ARID5B: variants seen among roughly 807,000 people sequenced by gnomAD.
ARID5B encodes the protein AT-rich interaction domain 5B, also known as AT-rich interactive domain-containing protein 5B.
A neutral mutation model predicts 97.2 loss-of-function variants in ARID5B; 13 were observed. The ratio of observed to expected loss-of-function variants is 0.13; its 90% CI spans 0.09 to 0.21. ARID5B has a LOEUF of 0.21. Ranked by LOEUF, ARID5B falls within the 10% of genes least tolerant of loss-of-function variation. The probability of loss-of-function intolerance (pLI) is 1.00; values close to 1 mark genes in which losing one functional copy is unlikely to be tolerated. For missense variants in ARID5B, 1,210 were observed against 1,465.3 expected, an observed-to-expected ratio of 0.83 and a Z score of 2.84; for synonymous variants, 556 against 570.3, an observed-to-expected ratio of 0.97 and a Z score of 0.36.
chr10:62,060,587 T>C (rs1564639899), intron 7 of ARID5B, among the ~76,000 whole-genome samples: 1 of 152,190 alleles, frequency 6.6e-6, no homozygotes, highest in East Asian at 1.9e-4. Context: ...ATGAACTCCT[T>C]GCCACTGTAG....
chr10:61,962,324 C>G (rs1838482720), intron 3 of ARID5B, among the ~76,000 whole-genome samples: 1 of 152,052 alleles, frequency 6.6e-6, no homozygotes, highest in East Asian at 1.9e-4. Context: ...TAGCAGCACA[C>G]AAAAAACAAA....
intron 7 of ARID5B, among the ~76,000 whole-genome samples, chr10:62,061,484 G>A (rs1220434876): frequency 6.6e-6 from 1 of 152,204 alleles, no homozygotes; most frequent in African/African-American, 2.4e-5. Flanking sequence ...GAAGGATGGA[G>A]AGAAGATGGA....
At chr10:61,912,357 T>C (rs908164929) in intron 2 of ARID5B, among the ~76,000 whole-genome samples, 2 of 152,086 alleles carry the variant, frequency 1.3e-5, no homozygotes, top group Non-Finnish European at 2.9e-5. Flanking sequence ...TAATGTATAG[T>C]ATAGTGACTA....
At chr10:61,936,415 C>T (rs927461517) in intron 2 of ARID5B, among the ~76,000 whole-genome samples, 1 of 152,194 alleles carries the variant, frequency 6.6e-6, no homozygotes, top group Non-Finnish European at 1.5e-5. Context: ...GTCAGGAGTT[C>T]GAGACCATCC....
chr10:62,017,391 G>C (rs1224615842), intron 4 of ARID5B, among the ~76,000 whole-genome samples: 1 of 151,896 alleles, frequency 6.6e-6, no homozygotes, highest in Non-Finnish European at 1.5e-5. Context: ...ATCGGAGACT[G>C]CAGTGAGCCA....
chr10:61,972,653 C>T (rs918358977), intron 3 of ARID5B, among the ~76,000 whole-genome samples: 2 of 152,156 alleles, frequency 1.3e-5, no homozygotes, highest in Admixed American at 1.3e-4. Context: ...ATCTGACTAT[C>T]CCCCTATTGC....
At chr10:61,956,165 G>A (rs1838388935) in intron 3 of ARID5B, among the ~76,000 whole-genome samples, 1 of 152,206 alleles carries the variant, frequency 6.6e-6, no homozygotes, top group Non-Finnish European at 1.5e-5. Flanking sequence ...GGGCCGCACA[G>A]CAGAAAGTGA....
At chr10:61,951,420 C>T (rs1246017330) in intron 3 of ARID5B, among the ~76,000 whole-genome samples, 1 of 152,152 alleles carries the variant, frequency 6.6e-6, no homozygotes. Context: ...GCCCCACTTG[C>T]TTTTTGAATT....
In ARID5B at chr10:62,065,149, TCA is replaced by T. The variant is rs1363112660; in HGVS notation, c.1102-4548_1102-4547del. Among the ~76,000 whole-genome samples, 3 of 152,310 alleles carry T rather than the reference TCA, an allele frequency of 2.0e-5. No individual in the cohort carries two copies. In the East Asian group the frequency reaches 5.8e-4, roughly 29 times the overall value. On this transcript the variant is annotated intron_variant, in intron 7 of 9. Coordinates refer to ENST00000279873, the MANE Select transcript of ARID5B (RefSeq NM_032199.3). The stretch of plus-strand genomic sequence containing the variant: ...GAACATAGTAGGTGTGGAGTGCTTT[TCA>T]CAGAGTCTCTTGGGTCTTACCTACA...
chr10:61,966,978 G>A (rs980811711), intron 3 of ARID5B, among the ~76,000 whole-genome samples: 4 of 152,030 alleles, frequency 2.6e-5, no homozygotes, highest in Non-Finnish European at 4.4e-5. Flanking sequence ...GCAGTACTCT[G>A]TATATTGGCT....
chr10:61,992,643 T>G (rs1397899621), intron 3 of ARID5B, among the ~76,000 whole-genome samples: 1 of 152,220 alleles, frequency 6.6e-6, no homozygotes, highest in Non-Finnish European at 1.5e-5. Flanking sequence ...TCGTTGCCTA[T>G]CCTGGGAAGA....
intron 3 of ARID5B, among the ~76,000 whole-genome samples, chr10:61,993,120 TACACACACACAC>T (rs35119824): frequency 1.4e-5 from 2 of 148,040 alleles, no homozygotes; most frequent in Admixed American, 1.3e-4. Flanking sequence ...GGAAGGGAGA[TACACACACACAC>T]ACACACACAC....
At chr10:61,952,400 G>T (rs559508748) in intron 3 of ARID5B, among the ~76,000 whole-genome samples, 12 of 152,264 alleles carry the variant, frequency 7.9e-5, no homozygotes, top group African/African-American at 2.9e-4. Context: ...CCACCTTATT[G>T]ATCACCTTAC....
At chr10:61,998,485 T>A (rs948090102) in intron 3 of ARID5B, among the ~76,000 whole-genome samples, 1 of 152,190 alleles carries the variant, frequency 6.6e-6, no homozygotes, top group Non-Finnish European at 1.5e-5. Flanking sequence ...CTTGATGTTG[T>A]ACAGGTGGAG....
chr10:61,911,163 TCAAGCA>T (rs1298038437), intron 2 of ARID5B, among the ~76,000 whole-genome samples: 2 of 152,220 alleles, frequency 1.3e-5, no homozygotes, highest in Non-Finnish European at 2.9e-5. Flanking sequence ...TTCTACACCC[TCAAGCA>T]TGTTGAGCTA....
chr10:62,012,340 C>T (rs1427731830), intron 4 of ARID5B, among the ~76,000 whole-genome samples: 1 of 151,988 alleles, frequency 6.6e-6, no homozygotes, highest in Non-Finnish European at 1.5e-5. Flanking sequence ...GGGCAACATC[C>T]CTTCTCTACA....
chr10:62,024,791 G>A (rs573315783), intron 4 of ARID5B: 9 of 388,062 alleles, frequency 2.3e-5, no homozygotes, highest in South Asian at 1.3e-4. Flanking sequence ...CACTAGAGAC[G>A]AATGATCATC....
intron 3 of ARID5B, among the ~76,000 whole-genome samples, chr10:61,967,814 A>G (rs1589239029): frequency 6.6e-6 from 1 of 152,194 alleles, no homozygotes; most frequent in East Asian, 1.9e-4. Flanking sequence ...TTTTATTTCA[A>G]CAGAATGTTG....
chr10:61,965,189 A>AT (rs890560745), intron 3 of ARID5B, among the ~76,000 whole-genome samples: 2 of 152,064 alleles, frequency 1.3e-5, no homozygotes, highest in South Asian at 2.1e-4. Flanking sequence ...GGGGCAGGGT[A>AT]TTTTTTTTAT....
Sources: gnomAD v4.1 joint callset for allele counts (sites outside exome capture counted in the v4.1 genomes callset) on GRCh38, gnomAD v4.1.1 for gene constraint, MANE v1.5 for transcripts, NCBI Gene and HGNC (gene_info 2026-07-23, HGNC 2026-07-21) for gene names.